The following PHLPP1 variants were observed in gnomAD, a reference collection of about 807,000 sequenced individuals.
PHLPP1 encodes the protein PH domain and leucine rich repeat protein phosphatase 1.
PHLPP1 carries 42 observed loss-of-function variants against 117.2 expected under a neutral mutation model. The observed-to-expected ratio is 0.36, with a 90% CI of 0.28 to 0.46. The LOEUF (loss-of-function observed/expected upper bound fraction) is 0.46, where lower values mean the gene tolerates loss of function less well. Ranked by LOEUF, PHLPP1 falls within the 20% of genes least tolerant of loss-of-function variation. The pLI, the probability that PHLPP1 is intolerant of heterozygous loss-of-function variation, is 1.00. For synonymous variants in PHLPP1, 1,042 were observed against 970.7 expected (o/e 1.07, Z -1.37); for missense variants, 2,084 against 2,241.9 (o/e 0.93, Z 1.42).
intron 10 of PHLPP1, 33 bp downstream of exon 10, chr18:62,920,147 C>T: frequency 6.3e-7 from 1 of 1,583,996 alleles, no homozygotes; most frequent in Non-Finnish European, 8.7e-7. Flanking sequence ...TCATCTGAGT[C>T]TATAAATATT....
At chr18:62,856,181 G>C (rs1436073746) in intron 3 of PHLPP1, among the ~76,000 whole-genome samples, 1 of 152,046 alleles carries the variant, frequency 6.6e-6, no homozygotes, top group Admixed American at 6.6e-5. Context: ...ATACCTGCTG[G>C]GGTCCAGGAG....
chr18:62,726,917 A>G (rs1223041968), intron 1 of PHLPP1, among the ~76,000 whole-genome samples: 3 of 151,216 alleles, frequency 2.0e-5, no homozygotes, highest in Admixed American at 6.6e-5. Context: ...TAAAAATTTG[A>G]TGTATCATCA....
At position 62,715,852 on chromosome 18, in the gene PHLPP1, C is replaced by T. The variant is rs1372463403; in HGVS notation, c.169C>T (p.Pro57Ser). The T allele has an allele frequency of 3.8e-6, 3 of 780,922 alleles. No individual in the cohort carries two copies. Among genetic ancestry groups the T allele is most frequent in the African/African-American group, 3.8e-5 (2 of 52,754 alleles). The allele number at this position is 780,922 out of a possible 1,614,324, so 48.4% of individuals were successfully genotyped here. Residue 57 changes from proline to serine, a missense_variant, in exon 1 of 17, where the codon CCG becomes TCG. By Grantham distance (74) the Pro-to-Ser change is moderately conservative. Coordinates refer to ENST00000262719, the MANE Select transcript of PHLPP1 (RefSeq NM_194449.4). ...CCGGAGTCCGGAGCCCGCGCTGACC[C>T]CGGCGGCCCCGAGCGGCGGGAACGG... is the stretch of plus-strand genomic sequence containing the variant. ...GGRSPEPALT[P>S]AAPSGGNGSG...
intron 10 of PHLPP1, among the ~76,000 whole-genome samples, chr18:62,940,719 T>C (rs1276174867): frequency 6.6e-6 from 1 of 152,146 alleles, no homozygotes; most frequent in Non-Finnish European, 1.5e-5. Flanking sequence ...TATTATCTTG[T>C]TTGTTTGTTT....
chr18:62,877,636 C>T (rs951107013), intron 4 of PHLPP1, among the ~76,000 whole-genome samples: 21 of 152,180 alleles, frequency 1.4e-4, no homozygotes, highest in African/African-American at 5.1e-4. Context: ...TAACTGTTCC[C>T]AGAACTGGAA....
rs916076287 is a variant in PHLPP1 at position 62,966,615 on chromosome 18, C to T, written c.3560+3143C>T. ...CCTCCTGAGTAGCTGGGACCACAGG[C>T]GCCCGCCACCACGCCCGGCTAATTT... On this transcript the variant is annotated intron_variant, in intron 14 of 16. Transcript: ENST00000262719. Among the ~76,000 whole-genome samples the T allele has an allele frequency of 8.6e-5, 13 of 151,950 alleles. No individual in the cohort carries two copies. The East Asian group carries it at 2.1e-3, about 25-fold the overall frequency.
At chr18:62,801,053 CTCCCTCCCTCCCTCCT>C (rs1913767383) in intron 1 of PHLPP1, among the ~76,000 whole-genome samples, 1 of 103,992 alleles carries the variant, frequency 9.6e-6, no homozygotes, top group South Asian at 4.2e-4. Context: ...CCCTCCCTCC[CTCCCTCCCTCCCTCCT>C]TCCCTTTCTT....
chr18:62,891,804 G>T (rs970919301), intron 4 of PHLPP1, among the ~76,000 whole-genome samples: 1 of 146,482 alleles, frequency 6.8e-6, no homozygotes, highest in African/African-American at 2.5e-5. Flanking sequence ...GAGGTGGGAG[G>T]ATCATCTGAG....
At chr18:62,964,307 A>T (rs952984418) in intron 14 of PHLPP1, among the ~76,000 whole-genome samples, 5 of 152,162 alleles carry the variant, frequency 3.3e-5, no homozygotes, top group African/African-American at 7.2e-5. Context: ...AAGTCTCCCA[A>T]CCTAGACTCA....
chr18:62,938,792 A>T lies in PHLPP1; in HGVS notation c.2961-2926A>T, dbSNP rs1347859633. The stretch of plus-strand genomic sequence containing the variant: ...AAATCACTTTCTTCCCTTTATTCAG[A>T]TGCCATGAGGGGTTTTTTAAGTTGC... On this transcript the variant is annotated intron_variant, in intron 10 of 16. Transcript: ENST00000262719. Among the ~76,000 whole-genome samples the T allele has an allele frequency of 2.0e-5, 3 of 152,188 alleles. No homozygotes were observed. In the East Asian group the frequency reaches 5.8e-4, roughly 29 times the overall value.
chr18:62,845,584 GA>G (rs1399036253), intron 3 of PHLPP1, among the ~76,000 whole-genome samples: 2 of 152,162 alleles, frequency 1.3e-5, no homozygotes, highest in Non-Finnish European at 2.9e-5. Context: ...TAACAAGATT[GA>G]GGTTTCCAAC....
In PHLPP1 at chr18:62,870,489, G is replaced by C. The variant is rs574195883; in HGVS notation, c.2066+9888G>C. The stretch of plus-strand genomic sequence containing the variant: ...TTTAGTTGCTTATTTTTATTTGTGT[G>C]TTTAGGAATTTGTGGTAATCTCTAA... On this transcript the variant is annotated intron_variant, in intron 4 of 16. Transcript: ENST00000262719. 8.5e-5 allele frequency among the ~76,000 whole-genome samples: 13 copies of C among 152,264 alleles called. No individual in the cohort carries two copies. The South Asian group carries it at 2.7e-3, about 32-fold the overall frequency.
In PHLPP1 at chr18:62,915,029, G is replaced by C. The variant is rs1254188114; in HGVS notation, c.2804+21G>C. 3.3e-6 allele frequency: 5 copies of C among 1,524,924 alleles called. No homozygotes were observed. In the Admixed American group the frequency reaches 8.9e-5, roughly 27 times the overall value. The allele number at this position is 1,524,924 out of a possible 1,614,324, so 94.5% of individuals were successfully genotyped here. ...GCCCGGTGAGTATTACAGATCAAAT[G>C]AGAGGATCTCACAATAAATGAGCAA... On this transcript the variant is annotated intron_variant, in intron 9 of 16. Transcript: ENST00000262719.
At chr18:62,816,332 G>A (rs965121145) in intron 1 of PHLPP1, among the ~76,000 whole-genome samples, 6 of 152,160 alleles carry the variant, frequency 3.9e-5, no homozygotes, top group East Asian at 1.9e-4. Flanking sequence ...TTGGGAGGCC[G>A]AGGTGGGCGG....
intron 1 of PHLPP1, among the ~76,000 whole-genome samples, chr18:62,754,482 G>A (rs535788583): frequency 5.3e-5 from 8 of 152,334 alleles, no homozygotes; most frequent in Admixed American, 3.9e-4. Flanking sequence ...GAGGCTTTCC[G>A]TTAAGAGGAA....
chr18:62,882,847 C>T (rs897167709), intron 4 of PHLPP1, among the ~76,000 whole-genome samples: 3 of 151,306 alleles, frequency 2.0e-5, no homozygotes, highest in Non-Finnish European at 4.4e-5. Context: ...TTTTTGTTCT[C>T]CCTTCCCCTA....
At chr18:62,926,574 T>C (rs1909633629) in intron 10 of PHLPP1, among the ~76,000 whole-genome samples, 1 of 152,034 alleles carries the variant, frequency 6.6e-6, no homozygotes, top group Non-Finnish European at 1.5e-5. Context: ...ACCATGAAAA[T>C]GCATTAGGAC....
chr18:62,895,063 C>T lies in PHLPP1; in HGVS notation c.2119C>T (p.Pro707Ser). The change falls in exon 5 of 17, where the codon CCA becomes TCA. Residue 707 changes from proline (P) to serine (S), a missense_variant. Physicochemically the swap from Pro to Ser is moderately conservative, Grantham distance 74. This residue lies in a region of PHLPP1 where 1,365 missense variants were observed against 1,605.9 expected (regional missense o/e 0.85). Coordinates refer to ENST00000262719, the MANE Select transcript of PHLPP1 (RefSeq NM_194449.4). ...NLSNNHLGDFPLAVCSIPTLA... is the reference protein window; with the variant it reads ...NLSNNHLGDFSLAVCSIPTLA... ...TTCCAATAATCATTTAGGGGACTTC[C>T]CACTGGCAGTCTGCAGTATTCCAAC... is the stretch of plus-strand genomic sequence containing the variant. The T allele has an allele frequency of 6.2e-7, 1 of 1,613,310 alleles. No homozygotes were observed. Among genetic ancestry groups the T allele is most frequent in the Non-Finnish European group, 8.5e-7 (1 of 1,179,368 alleles).
chr18:62,769,237 T>C (rs1912669198), intron 1 of PHLPP1, among the ~76,000 whole-genome samples: 1 of 152,220 alleles, frequency 6.6e-6, no homozygotes, highest in South Asian at 2.1e-4. Context: ...ACATTAGATG[T>C]AAATCTTGAC....
Sources: gnomAD v4.1 joint callset for allele counts (sites outside exome capture counted in the v4.1 genomes callset) on GRCh38, gnomAD v4.1.1 for gene constraint, gnomAD v4.1.1 regional missense constraint, MANE v1.5 for transcripts, NCBI Gene and HGNC (gene_info 2026-07-23, HGNC 2026-07-21) for gene names.